Variants in KCNH7 observed in about 807,000 individuals in gnomAD.
The protein encoded by KCNH7 is potassium voltage-gated channel subfamily H member 7.
Under a neutral mutation model 120.8 loss-of-function variants are expected in KCNH7, and 49 were observed. The observed-to-expected ratio is 0.41, with a 90% CI of 0.32 to 0.51. The LOEUF (loss-of-function observed/expected upper bound fraction) is 0.51, where lower values mean the gene tolerates loss of function less well. Ranked by LOEUF, KCNH7 falls within the 20% of genes least tolerant of loss-of-function variation. KCNH7 has a pLI of 0.38. For synonymous variants in KCNH7, 547 were observed against 516.1 expected (o/e 1.06, Z -0.81); for missense variants, 1,097 against 1,446.6 (o/e 0.76, Z 3.92).
At chr2:162,773,790 A>G (rs60122758) in intron 2 of KCNH7, among the ~76,000 whole-genome samples, 3,330 of 152,312 alleles carry the variant, frequency 0.022, 115 homozygotes, top group African/African-American at 0.074. Context: ...TCTGAGGAAG[A>G]TCAGTATTTC....
chr2:162,665,043 T>A (rs1559071287), intron 2 of KCNH7, among the ~76,000 whole-genome samples: 1 of 152,148 alleles, frequency 6.6e-6, no homozygotes, highest in East Asian at 1.9e-4. Context: ...CATTTTGTAA[T>A]CATTTATTAT....
chr2:162,718,706 T>G (rs1351605380), intron 2 of KCNH7, among the ~76,000 whole-genome samples: 1 of 152,028 alleles, frequency 6.6e-6, no homozygotes, highest in Non-Finnish European at 1.5e-5. Flanking sequence ...TGATATATTT[T>G]ATGTTTAAAA....
At chr2:162,485,382 T>C (rs7568839) in intron 6 of KCNH7, among the ~76,000 whole-genome samples, 69,164 of 152,076 alleles carry the variant, frequency 0.45, 19,836 homozygotes, top group African/African-American at 0.77. Flanking sequence ...ATTAGGTTTA[T>C]GCCTTAGTTT....
chr2:162,707,904 T>C (rs1017364178), intron 2 of KCNH7, among the ~76,000 whole-genome samples: 1 of 152,044 alleles, frequency 6.6e-6, no homozygotes, highest in Non-Finnish European at 1.5e-5. Context: ...ATCCATGAAG[T>C]CTGCTTCCTC....
intron 4 of KCNH7, among the ~76,000 whole-genome samples, chr2:162,515,144 T>C (rs943377363): frequency 4.6e-5 from 7 of 151,782 alleles, no homozygotes; most frequent in African/African-American, 1.4e-4. Context: ...GAAAATACCC[T>C]CTGAATTTAT....
intron 7 of KCNH7, among the ~76,000 whole-genome samples, chr2:162,437,299 C>T (rs910968912): frequency 2.0e-5 from 3 of 152,100 alleles, no homozygotes; most frequent in Non-Finnish European, 4.4e-5. Context: ...AGACTCTGGT[C>T]TCTGCTCATT....
At chr2:162,638,312 T>C (rs748420197) in intron 2 of KCNH7, among the ~76,000 whole-genome samples, 6 of 152,128 alleles carry the variant, frequency 3.9e-5, no homozygotes, top group Non-Finnish European at 8.8e-5. Context: ...GTTGCATTTT[T>C]TATACTGATT....
At chr2:162,481,996 A>T (rs1294369106) in intron 6 of KCNH7, among the ~76,000 whole-genome samples, 27 of 133,678 alleles carry the variant, frequency 2.0e-4, no homozygotes, top group African/African-American at 6.4e-4. Flanking sequence ...ATCTATCATC[A>T]ATCTATCTAT....
chr2:162,823,208 A>G (rs1573932514), intron 2 of KCNH7, among the ~76,000 whole-genome samples: 1 of 148,028 alleles, frequency 6.8e-6, no homozygotes, highest in East Asian at 2.0e-4. Flanking sequence ...GAACAATAAA[A>G]TATCTATGTC....
chr2:162,751,770 A>G (rs967430770), intron 2 of KCNH7, among the ~76,000 whole-genome samples: 1 of 151,648 alleles, frequency 6.6e-6, no homozygotes, highest in African/African-American at 2.4e-5. Context: ...ATACAAAAGC[A>G]TTTTATATTC....
intron 2 of KCNH7, among the ~76,000 whole-genome samples, chr2:162,602,186 T>C (rs570919761): frequency 1.3e-5 from 2 of 152,030 alleles, no homozygotes; most frequent in East Asian, 3.9e-4. Flanking sequence ...TAGAGGTGAG[T>C]TGGGGGCCTA....
chr2:162,793,737 A>G (rs1178006370), intron 2 of KCNH7, among the ~76,000 whole-genome samples: 2 of 152,058 alleles, frequency 1.3e-5, no homozygotes, highest in Non-Finnish European at 2.9e-5. Flanking sequence ...ATTGGGAGGA[A>G]TGGAGTGATG....
At chr2:162,600,172 C>T (rs146940274) in intron 2 of KCNH7, among the ~76,000 whole-genome samples, 5 of 152,198 alleles carry the variant, frequency 3.3e-5, no homozygotes, top group Admixed American at 2.6e-4. Context: ...CTAATCTCTG[C>T]AGAACACCAC....
intron 9 of KCNH7, among the ~76,000 whole-genome samples, chr2:162,410,804 T>C (rs1294600637): frequency 1.3e-5 from 2 of 151,978 alleles, no homozygotes; most frequent in East Asian, 3.9e-4. Context: ...GAACAGATAC[T>C]TCTCAAAAAA....
intron 2 of KCNH7, among the ~76,000 whole-genome samples, chr2:162,809,027 A>G (rs1684643731): frequency 6.6e-6 from 1 of 152,210 alleles, no homozygotes; most frequent in Non-Finnish European, 1.5e-5. Context: ...TTTCTAACCT[A>G]TTAAAAATTG....
intron 9 of KCNH7, among the ~76,000 whole-genome samples, chr2:162,403,074 A>G (rs1171635337): frequency 4.6e-5 from 7 of 151,942 alleles, no homozygotes; most frequent in East Asian, 1.9e-4. Flanking sequence ...CCACAATTTA[A>G]ATAAGAATGT....
intron 2 of KCNH7, among the ~76,000 whole-genome samples, chr2:162,612,362 A>C (rs1682997367): frequency 6.6e-6 from 1 of 152,170 alleles, no homozygotes. Flanking sequence ...TGAAAAAACA[A>C]GTAAACTCAT....
At chr2:162,673,694 A>G (rs959129917) in intron 2 of KCNH7, among the ~76,000 whole-genome samples, 1 of 152,112 alleles carries the variant, frequency 6.6e-6, no homozygotes, top group Admixed American at 6.6e-5. Flanking sequence ...TTGACATACA[A>G]CAATCCTGTA....
chr2:162,600,101 T>C (rs536026648), intron 2 of KCNH7, among the ~76,000 whole-genome samples: 1 of 152,254 alleles, frequency 6.6e-6, no homozygotes, highest in East Asian at 1.9e-4. Flanking sequence ...TTGGCAAACT[T>C]AATGACCACT....
Sources: gnomAD v4.1 joint callset for allele counts (sites outside exome capture counted in the v4.1 genomes callset) on GRCh38, gnomAD v4.1.1 for gene constraint, MANE v1.5 for transcripts, NCBI Gene and HGNC (gene_info 2026-07-23, HGNC 2026-07-21) for gene names.